RNASE11: variants seen among roughly 807,000 people sequenced by gnomAD.
RNASE11 encodes the protein ribonuclease A family member 11 (inactive), also known as putative inactive ribonuclease 11.
For missense variants in RNASE11, 252 were observed against 237.8 expected (o/e 1.06, Z -0.39); for synonymous variants, 105 against 86.1 (o/e 1.22, Z -1.21).
exon 2 of RNASE11, chr14:20,584,179 T>C: frequency 1.2e-6 from 2 of 1,614,188 alleles, no homozygotes; most frequent in Non-Finnish European, 1.7e-6. Flanking sequence ...TGTCATGTCA[T>C]TGCAACACTC....
At chr14:20,589,257 C>CT (rs11283999), upstream of RNASE11, among the ~76,000 whole-genome samples, 196 of 136,482 alleles carry the variant, frequency 1.4e-3, no homozygotes, top group East Asian at 8.4e-3. Flanking sequence ...TCCAAGATTT[C>CT]TTTTTTTTTT....
intron 1 of RNASE11, chr14:20,584,998 A>G: frequency 1.2e-6 from 1 of 864,694 alleles, no homozygotes; most frequent in Non-Finnish European, 1.4e-6. Flanking sequence ...TTTGCCACCC[A>G]TTCTCATTCA....
At chr14:20,587,489 T>G (rs1277741125) in intron 1 of RNASE11, 74 bp downstream of exon 2, 1 of 679,224 alleles carries the variant, frequency 1.5e-6, no homozygotes, top group Non-Finnish European at 1.8e-6. Context: ...AGGATGCATT[T>G]CATCCACTTC....
chr14:20,586,938 C>A (rs751721848), intron 1 of RNASE11, among the ~76,000 whole-genome samples: 11 of 152,104 alleles, frequency 7.2e-5, no homozygotes, highest in Non-Finnish European at 1.5e-4. Flanking sequence ...TCACTTGAGG[C>A]CAGAAGTTCA....
chr14:20,583,477 T>A (rs1276124143), downstream of RNASE11: 1 of 188,416 alleles, frequency 5.3e-6, no homozygotes, highest in Non-Finnish European at 1.1e-5. Flanking sequence ...TATGTCACAC[T>A]CATTCACTAT....
upstream of RNASE11, among the ~76,000 whole-genome samples, chr14:20,588,826 G>A (rs1274393299): frequency 6.6e-6 from 1 of 152,124 alleles, no homozygotes; most frequent in East Asian, 1.9e-4. Context: ...TTGCTCTGTT[G>A]CCCAGGCTGG....
At chr14:20,583,049 C>T (rs139292350), downstream of RNASE11, 96 of 152,254 alleles carry the variant, frequency 6.3e-4, no homozygotes, top group African/African-American at 2.2e-3. Flanking sequence ...GAACCACGAA[C>T]GTTTGCAAAT....
chr14:20,588,754 A>G (rs917712606), upstream of RNASE11, among the ~76,000 whole-genome samples: 2 of 152,254 alleles, frequency 1.3e-5, no homozygotes, highest in Non-Finnish European at 2.9e-5. Context: ...TAATCAAGAT[A>G]AATAATATTT....
upstream of RNASE11, chr14:20,590,197 T>C: frequency 6.5e-7 from 1 of 1,541,980 alleles, no homozygotes; most frequent in African/African-American, 1.4e-5. Flanking sequence ...TTGCCCCATG[T>C]CCACGGTCCA....
chr14:20,589,082 T>A (rs1040883724), upstream of RNASE11, among the ~76,000 whole-genome samples: 4 of 149,754 alleles, frequency 2.7e-5, no homozygotes, highest in Non-Finnish European at 5.9e-5. Flanking sequence ...CCACCACGCC[T>A]GGCCAGAAAA....
At chr14:20,590,125 C>A, upstream of RNASE11, 1 of 1,357,752 alleles carries the variant, frequency 7.4e-7, no homozygotes, top group South Asian at 1.6e-5. Context: ...TAAAACAATC[C>A]CAACCCAGCA....
downstream of RNASE11, chr14:20,583,050 G>A (rs1401312714): frequency 2.0e-5 from 3 of 152,190 alleles, no homozygotes; most frequent in African/African-American, 7.2e-5. Flanking sequence ...AACCACGAAC[G>A]TTTGCAAATA....
At chr14:20,586,103 A>G (rs557344634) in intron 1 of RNASE11, among the ~76,000 whole-genome samples, 1 of 152,350 alleles carries the variant, frequency 6.6e-6, no homozygotes, top group Admixed American at 6.5e-5. Context: ...CACAGTAGGA[A>G]GTCTGATCCC....
At chr14:20,588,717 A>C (rs1433202752), upstream of RNASE11, among the ~76,000 whole-genome samples, 2 of 152,232 alleles carry the variant, frequency 1.3e-5, no homozygotes, top group Non-Finnish European at 2.9e-5. Flanking sequence ...CTAAGACCAA[A>C]ATTTAAGAGA....
intron 1 of RNASE11, among the ~76,000 whole-genome samples, chr14:20,586,679 A>G (rs1566562730): frequency 6.6e-6 from 1 of 152,208 alleles, no homozygotes; most frequent in South Asian, 2.1e-4. Context: ...TCTATATCCT[A>G]TACCATTGAC....
exon 2 of RNASE11, chr14:20,583,976 G>T: frequency 6.2e-7 from 1 of 1,614,158 alleles, no homozygotes; most frequent in Non-Finnish European, 8.5e-7. Flanking sequence ...TGGCACCTGG[G>T]GAATTGTTTG....
chr14:20,583,937 T>C, exon 2 of RNASE11: 2 of 1,614,114 alleles, frequency 1.2e-6, no homozygotes, highest in Non-Finnish European at 1.7e-6. Context: ...ACTGTCAATA[T>C]CTTCTCTAAT....
chr14:20,584,111 G>T lies in RNASE11; in HGVS notation c.364C>A (p.Arg122Ser). 6.2e-7 allele frequency: 1 copy of T among 1,614,160 alleles called. No individual in the cohort carries two copies. Among genetic ancestry groups the T allele is most frequent in the Non-Finnish European group, 8.5e-7 (1 of 1,180,030 alleles). ...CTGCGCATCACTTCTGTGGAGCTGC[G>T]GATGAAGTTATTGCTCCACTTGCAC... Residue 122 changes from arginine to serine, a missense_variant, in exon 2 of 2, where the codon CGC becomes AGC. Physicochemically the swap from Arg to Ser is moderately radical, Grantham distance 110. Coordinates refer to ENST00000553849, the Ensembl canonical transcript of RNASE11.
At chr14:20,584,218 G>C (rs2138883622) in exon 2 of RNASE11, 1 of 1,614,150 alleles carries the variant, frequency 6.2e-7, no homozygotes, top group South Asian at 1.1e-5. Context: ...GTTTCCCTTG[G>C]GGTCATTATA....
Sources: gnomAD v4.1 joint callset for allele counts (sites outside exome capture counted in the v4.1 genomes callset) on GRCh38, gnomAD v4.1.1 for gene constraint, MANE v1.5 for transcripts, NCBI Gene and HGNC (gene_info 2026-07-23, HGNC 2026-07-21) for gene names.